The following NDUFA5 variants were observed in gnomAD, a reference collection of about 807,000 sequenced individuals.
NDUFA5 encodes the protein NADH:ubiquinone oxidoreductase subunit A5.
NDUFA5 carries 11 observed loss-of-function variants against 19.8 expected under a neutral mutation model. That is an observed-to-expected ratio of 0.56 (90% CI 0.35 to 0.92). The LOEUF is 0.92. NDUFA5 is among the 40% of genes least tolerant of loss of function. The probability of loss-of-function intolerance (pLI) is 0.01; values close to 1 mark genes in which losing one functional copy is unlikely to be tolerated. For synonymous variants in NDUFA5, 47 were observed against 46.8 expected, an observed-to-expected ratio of 1.00 and a Z score of -0.01; for missense variants, 109 against 134.2, an observed-to-expected ratio of 0.81 and a Z score of 0.93.
upstream of NDUFA5, among the ~76,000 whole-genome samples, chr7:123,560,823 T>C (rs945523926): frequency 2.6e-5 from 4 of 152,190 alleles, no homozygotes; most frequent in African/African-American, 9.7e-5. Context: ...AATACCATTT[T>C]ATTGAGGTTT....
At chr7:123,579,056 C>T in the NDUFA5 span, among the ~76,000 whole-genome samples, 6 of 152,002 alleles carry the variant, frequency 3.9e-5, no homozygotes, top group East Asian at 5.8e-4. Flanking sequence ...TTGCCCCTCT[C>T]GCTCCCTCCT....
upstream of NDUFA5, chr7:123,557,953 A>C: frequency 7.7e-7 from 1 of 1,300,480 alleles, no homozygotes; most frequent in Non-Finnish European, 1.1e-6. Context: ...GCCCATCTTA[A>C]AAGAGAAAAA....
chr7:123,581,444 G>A, the NDUFA5 span, among the ~76,000 whole-genome samples: 1 of 145,826 alleles, frequency 6.9e-6, no homozygotes, highest in South Asian at 2.2e-4. Context: ...GTACTCTCCA[G>A]ATACCTAGAC....
At chr7:123,601,576 G>C in the NDUFA5 span, among the ~76,000 whole-genome samples, 1 of 152,142 alleles carries the variant, frequency 6.6e-6, no homozygotes, top group Non-Finnish European at 1.5e-5. Flanking sequence ...ATTCCAAGTG[G>C]TTTGGTTTTG....
chr7:123,557,995 A>C, upstream of NDUFA5: 1 of 796,286 alleles, frequency 1.3e-6, no homozygotes, highest in Non-Finnish European at 2.0e-6. Context: ...TACAAGCCTA[A>C]AGCTAAGCTA....
At chr7:123,560,344 A>G (rs946810432), upstream of NDUFA5, among the ~76,000 whole-genome samples, 2 of 152,256 alleles carry the variant, frequency 1.3e-5, no homozygotes, top group Non-Finnish European at 2.9e-5. Flanking sequence ...ATTAGGCAAG[A>G]AAATAAAATG....
the NDUFA5 span, among the ~76,000 whole-genome samples, chr7:123,576,861 A>C: frequency 6.6e-6 from 1 of 152,148 alleles, no homozygotes. Context: ...TCTGCTGGTT[A>C]CATTATTCCA....
rs1162004670 is a variant in NDUFA5, at chr7:123,540,449, G to A, written c.*1670C>T. ...CACAGCAAGCCATCTTTGTTTCTGT[G>A]TTGTCCAAAGGACCTGAAAAATAAT... On this transcript the variant is annotated 3_prime_UTR_variant, in exon 5 of 5. Coordinates refer to ENST00000355749, the MANE Select transcript of NDUFA5 (RefSeq NM_005000.5). 6.6e-6 allele frequency: 1 copy of A among 152,060 alleles called. No homozygotes were observed. The highest frequency in any genetic ancestry group is 1.5e-5 in the Non-Finnish European group (1 of 68,002). The allele number at this position is 152,060 out of a possible 1,614,324, so 9.4% of individuals were successfully genotyped here.
chr7:123,578,668 A>G, the NDUFA5 span, among the ~76,000 whole-genome samples: 3 of 152,110 alleles, frequency 2.0e-5, no homozygotes, highest in Non-Finnish European at 4.4e-5. Flanking sequence ...TGTTTACCAC[A>G]GCAATTTCAT....
At chr7:123,546,622 G>A in intron 3 of NDUFA5, 2 of 1,225,894 alleles carry the variant, frequency 1.6e-6, no homozygotes, top group Non-Finnish European at 2.1e-6. Context: ...GTGTTTTTCT[G>A]GCCAATAAAT....
chr7:123,591,449 C>T, the NDUFA5 span, among the ~76,000 whole-genome samples: 1 of 152,076 alleles, frequency 6.6e-6, no homozygotes, highest in Non-Finnish European at 1.5e-5. Context: ...TCATAAATAG[C>T]TCTTATTATT....
chr7:123,580,783 G>A, the NDUFA5 span, among the ~76,000 whole-genome samples: 1 of 151,814 alleles, frequency 6.6e-6, no homozygotes, highest in Non-Finnish European at 1.5e-5. Flanking sequence ...CTGAGATAAG[G>A]GCTTAGAGAA....
chr7:123,559,262 A>T (rs1434176330), upstream of NDUFA5, among the ~76,000 whole-genome samples: 1 of 151,892 alleles, frequency 6.6e-6, no homozygotes, highest in African/African-American at 2.4e-5. Flanking sequence ...TCAAGAAGGC[A>T]TAAAGAAAAA....
chr7:123,549,137 T>C (rs1798241547), intron 3 of NDUFA5, among the ~76,000 whole-genome samples: 1 of 152,142 alleles, frequency 6.6e-6, no homozygotes, highest in South Asian at 2.1e-4. Flanking sequence ...ATGGGAATCC[T>C]GGAACCAATC....
the NDUFA5 span, among the ~76,000 whole-genome samples, chr7:123,597,885 TTAATG>T: frequency 6.6e-6 from 1 of 151,702 alleles, no homozygotes; most frequent in South Asian, 2.1e-4. Context: ...TGATGATCCA[TTAATG>T]TAAAACCATT....
the NDUFA5 span, among the ~76,000 whole-genome samples, chr7:123,566,670 A>C: frequency 2.0e-5 from 3 of 152,224 alleles, no homozygotes; most frequent in Non-Finnish European, 4.4e-5. Context: ...TTAAAGATAC[A>C]TGTGCATGTA....
chr7:123,581,402 C>T, the NDUFA5 span, among the ~76,000 whole-genome samples: 1 of 138,558 alleles, frequency 7.2e-6, no homozygotes, highest in Non-Finnish European at 1.5e-5. Flanking sequence ...CATGATCATT[C>T]AAGTGAGCAC....
At chr7:123,590,913 G>T in the NDUFA5 span, among the ~76,000 whole-genome samples, 6 of 152,202 alleles carry the variant, frequency 3.9e-5, no homozygotes, top group African/African-American at 1.4e-4. Flanking sequence ...TCACGATACT[G>T]ATTCTTCCTA....
chr7:123,575,696 G>A, the NDUFA5 span, among the ~76,000 whole-genome samples: 1 of 151,552 alleles, frequency 6.6e-6, no homozygotes, highest in Non-Finnish European at 1.5e-5. Flanking sequence ...ATATAAAATT[G>A]TTTGCTTATA....
Sources: allele counts gnomAD v4.1 joint callset (sites outside exome capture counted in the v4.1 genomes callset), GRCh38; gene constraint gnomAD v4.1.1; transcripts MANE v1.5; gene names NCBI Gene and HGNC (gene_info 2026-07-23, HGNC 2026-07-21).